The following AGO2 variants were observed in gnomAD, a reference collection of about 807,000 sequenced individuals.
The protein encoded by AGO2 is protein argonaute-2.
AGO2 carries 5 observed loss-of-function variants against 102.3 expected under a neutral mutation model. The observed-to-expected ratio is 0.05, with a 90% CI of 0.03 to 0.10. The LOEUF (loss-of-function observed/expected upper bound fraction) is 0.10, where lower values mean the gene tolerates loss of function less well. Among genes scored for constraint, AGO2 ranks in the 10% least tolerant of loss-of-function variants. AGO2 has a pLI of 1.00. For synonymous variants in AGO2, 449 were observed against 473.1 expected (o/e 0.95, Z 0.66); for missense variants, 541 against 1,183.7 (o/e 0.46, Z 7.97).
At chr8:140,620,824 C>T (rs1482530411) in intron 1 of AGO2, among the ~76,000 whole-genome samples, 1 of 152,064 alleles carries the variant, frequency 6.6e-6, no homozygotes, top group Admixed American at 6.6e-5. Flanking sequence ...CACTGCAAGC[C>T]AGCTTGGTTG....
At chr8:140,550,077 G>A (rs1300197613) in intron 11 of AGO2, among the ~76,000 whole-genome samples, 1 of 152,186 alleles carries the variant, frequency 6.6e-6, no homozygotes, top group Admixed American at 6.5e-5. Flanking sequence ...CAAAAGAAGG[G>A]GCAGGAGGCG....
intron 1 of AGO2, among the ~76,000 whole-genome samples, chr8:140,610,050 A>G (rs760912698): frequency 0.054 from 7,000 of 130,434 alleles, 350 homozygotes; most frequent in African/African-American, 0.14. Flanking sequence ...AAAAAAAAAA[A>G]AAAGAAAAGC....
At chr8:140,546,339 C>T (rs777016197) in intron 13 of AGO2, among the ~76,000 whole-genome samples, 1 of 152,240 alleles carries the variant, frequency 6.6e-6, no homozygotes, top group African/African-American at 2.4e-5. Context: ...GCAGCATCGG[C>T]ACTGTGTCCG....
rs184317068 is a variant in AGO2, at chr8:140,612,207, C to T, written c.22+23278G>A. On this transcript the variant is annotated intron_variant, in intron 1 of 18. Coordinates refer to ENST00000220592, the MANE Select transcript of AGO2 (RefSeq NM_012154.5). ...CACTGCACTCCGGCCTGGCCAAGAGCGAGACTCTGTCTCAAAAAAAAAAAA... is the reference window on the plus strand; with the variant it reads ...CACTGCACTCCGGCCTGGCCAAGAGTGAGACTCTGTCTCAAAAAAAAAAAA... Among the ~76,000 whole-genome samples the T allele has an allele frequency of 7.5e-4, 92 of 123,224 alleles. No homozygotes were observed. The East Asian group carries it at 0.019, about 25-fold the overall frequency. The allele number at this position is 123,224 out of a possible 152,430, so 80.8% of individuals were successfully genotyped here.
chr8:140,566,923 C>T (rs1266241241), intron 3 of AGO2, among the ~76,000 whole-genome samples: 1 of 152,162 alleles, frequency 6.6e-6, no homozygotes, highest in African/African-American at 2.4e-5. Context: ...GTGGAGTGAG[C>T]TTGGGAGTGG....
In AGO2 at chr8:140,531,681, G is replaced by A. The variant is rs1248732610; in HGVS notation, c.*363C>T. The A allele has an allele frequency of 1.1e-5, 2 of 182,292 alleles. No individual in the cohort carries two copies. The highest frequency in any genetic ancestry group is 2.4e-5 in the African/African-American group (1 of 42,290). 11.3% of individuals were successfully genotyped at this position (182,292 alleles called of 1,614,324 possible). A position where few individuals can be genotyped will look rare whatever the true frequency, so the allele number is the denominator to read the frequency against. On this transcript the variant is annotated 3_prime_UTR_variant, in exon 19 of 19. Transcript: ENST00000220592. ...AGTTTGAGCCCATCAATTTCATAGA[G>A]AATCATGTATTAAAAACAAGTAAAT...
chr8:140,545,565 C>T (rs2072884473), intron 13 of AGO2, among the ~76,000 whole-genome samples: 1 of 152,198 alleles, frequency 6.6e-6, no homozygotes, highest in East Asian at 1.9e-4. Context: ...GTCCACTCAT[C>T]AGCTGCACTC....
chr8:140,612,057 A>G lies in AGO2; in HGVS notation c.22+23428T>C, dbSNP rs906187765. 1.4e-3 allele frequency among the ~76,000 whole-genome samples: 216 copies of G among 151,870 alleles called. 1 individual carries two copies. The highest frequency in any genetic ancestry group is 5.0e-3 in the African/African-American group (207 of 41,466). On this transcript the variant is annotated intron_variant, in intron 1 of 18. Coordinates refer to ENST00000220592, the MANE Select transcript of AGO2 (RefSeq NM_012154.5). Reference sequence around the variant, plus strand: ...GCTAACACGGTGAAACCCCGTCTCTACTAAAAATACAAAAAATTAGCCGGG... The same window carrying G: ...GCTAACACGGTGAAACCCCGTCTCTGCTAAAAATACAAAAAATTAGCCGGG...
chr8:140,578,426 CTG>C (rs1177054650), intron 2 of AGO2, among the ~76,000 whole-genome samples: 1 of 152,240 alleles, frequency 6.6e-6, no homozygotes, highest in African/African-American at 2.4e-5. Context: ...CAAAGTGAAA[CTG>C]TACCTGTGAG....
At position 140,581,052 on chromosome 8, in the gene AGO2, C is replaced by A. The variant is rs187057851; in HGVS notation, c.215+4067G>T. Among the ~76,000 whole-genome samples the A allele has an allele frequency of 2.4e-3, 361 of 152,374 alleles. 1 individual carries two copies. Among genetic ancestry groups the A allele is most frequent in the Non-Finnish European group, 3.6e-3 (248 of 68,040 alleles). On this transcript the variant is annotated intron_variant, in intron 2 of 18. Transcript: ENST00000220592. ...TGCCTAGTTTCGTAAAAGAAAGCTG[C>A]TTGTGTACTGTGGTCGATGGCCTAA...
At position 140,525,614 on chromosome 8, in the gene AGO2, C is replaced by T. The variant is rs532633902; in HGVS notation, c.*6430G>A. 6 of 152,214 alleles carry T rather than the reference C, an allele frequency of 3.9e-5. No individual in the cohort carries two copies. Among genetic ancestry groups the T allele is most frequent in the African/African-American group, 2.4e-5 (1 of 41,424 alleles). The allele number at this position is 152,214 out of a possible 1,614,324, so 9.4% of individuals were successfully genotyped here. A position where few individuals can be genotyped will look rare whatever the true frequency, so the allele number is the denominator to read the frequency against. On this transcript the variant is annotated 3_prime_UTR_variant, in exon 19 of 19. Coordinates refer to ENST00000220592, the MANE Select transcript of AGO2 (RefSeq NM_012154.5). ...AAAGGCAATTGCTTCCAGGTAGTGA[C>T]GTAGTAGAACCGCCGGGGCCAAACT...
chr8:140,606,537 C>G (rs931951763), intron 1 of AGO2, among the ~76,000 whole-genome samples: 6 of 152,218 alleles, frequency 3.9e-5, no homozygotes, highest in Non-Finnish European at 7.3e-5. Context: ...AAAGTTGATG[C>G]CTTCAGCACA....
At chr8:140,587,736 A>G (rs985801125) in intron 1 of AGO2, among the ~76,000 whole-genome samples, 2 of 152,266 alleles carry the variant, frequency 1.3e-5, no homozygotes, top group Non-Finnish European at 2.9e-5. Context: ...CGGATGGGCC[A>G]CATACGCACT....
At chr8:140,552,740 GCACACACACACA>G (rs58668484) in intron 10 of AGO2, among the ~76,000 whole-genome samples, 1,449 of 130,964 alleles carry the variant, frequency 0.011, 16 homozygotes, top group South Asian at 0.014. Flanking sequence ...GCGCGCGCGC[GCACACACACACA>G]CACACACACA....
chr8:140,595,965 AAAT>A (rs375347999), intron 1 of AGO2, among the ~76,000 whole-genome samples: 1 of 71,484 alleles, frequency 1.4e-5, no homozygotes, highest in African/African-American at 4.8e-5. Flanking sequence ...TAATATATAT[AAAT>A]TATATATATT....
At chr8:140,591,147 C>T (rs762329821) in intron 1 of AGO2, among the ~76,000 whole-genome samples, 9 of 152,268 alleles carry the variant, frequency 5.9e-5, no homozygotes, top group African/African-American at 1.2e-4. Context: ...GCAGCATCTT[C>T]GCACTTCTGT....
chr8:140,564,507 A>C (rs540422409), intron 3 of AGO2, among the ~76,000 whole-genome samples: 2 of 152,356 alleles, frequency 1.3e-5, no homozygotes, highest in Non-Finnish European at 2.9e-5. Context: ...AGATAGCAAG[A>C]CCAAGCTCCT....
At chr8:140,621,707 C>A (rs1186704534) in intron 1 of AGO2, among the ~76,000 whole-genome samples, 2 of 152,190 alleles carry the variant, frequency 1.3e-5, no homozygotes, top group African/African-American at 2.4e-5. Flanking sequence ...CATCTTAAAT[C>A]TAACATTTTT....
In AGO2 at chr8:140,540,910, C is replaced by G. The variant is rs2072785040; in HGVS notation, c.2034+254G>C. Among the ~76,000 whole-genome samples, 1 of 152,182 alleles carries G rather than the reference C, an allele frequency of 6.6e-6. No homozygotes were observed. Among genetic ancestry groups the G allele is most frequent in the Non-Finnish European group, 1.5e-5 (1 of 68,032 alleles). On this transcript the variant is annotated intron_variant, in intron 15 of 18. Transcript: ENST00000220592. This position sits in a 1 kb window ranked among gnomAD's most constrained non-coding sequence, Gnocchi z 5.0. ...CAGCGGAACTCAAGCGTCTCTCCCC[C>G]ATCTCTTGGTCCCCAGGCCCATACC...
Sources: allele counts gnomAD v4.1 joint callset (sites outside exome capture counted in the v4.1 genomes callset), GRCh38; gene constraint gnomAD v4.1.1; non-coding constraint Gnocchi (gnomAD v3.1); transcripts MANE v1.5; gene names NCBI Gene and HGNC (gene_info 2026-07-23, HGNC 2026-07-21).